SENP5: variants seen among roughly 807,000 people sequenced by gnomAD.
SENP5 encodes the protein SUMO specific peptidase 5, also known as sentrin-specific protease 5.
Under a neutral mutation model 74.2 loss-of-function variants are expected in SENP5, and 21 were observed. That is an observed-to-expected ratio of 0.28 (90% CI 0.20 to 0.41). The LOEUF (loss-of-function observed/expected upper bound fraction) is 0.41. Ranked by LOEUF, SENP5 falls within the 10% of genes least tolerant of loss-of-function variation. The pLI is 1.00. For missense variants in SENP5, 717 were observed against 889.1 expected (o/e 0.81, Z 2.46); for synonymous variants, 311 against 312.7 (o/e 0.99, Z 0.06).
intron 6 of SENP5, among the ~76,000 whole-genome samples, chr3:196,910,677 C>T (rs1384061434): frequency 6.6e-6 from 1 of 152,016 alleles, no homozygotes; most frequent in Non-Finnish European, 1.5e-5. Flanking sequence ...TAATGCTATT[C>T]CCATCAAACT....
At chr3:196,895,775 G>A (rs1322896418) in intron 2 of SENP5, among the ~76,000 whole-genome samples, 1 of 152,138 alleles carries the variant, frequency 6.6e-6, no homozygotes, top group Non-Finnish European at 1.5e-5. Flanking sequence ...TTCTGTCTCA[G>A]CCTCCCAAAG....
intron 7 of SENP5, among the ~76,000 whole-genome samples, chr3:196,924,919 T>A (rs1051191230): frequency 3.3e-5 from 5 of 152,180 alleles, no homozygotes; most frequent in African/African-American, 1.2e-4. Flanking sequence ...AGTAGTTAAA[T>A]TGAATATAGT....
At chr3:196,876,030 G>A (rs1466795382) in intron 1 of SENP5, among the ~76,000 whole-genome samples, 1 of 152,110 alleles carries the variant, frequency 6.6e-6, no homozygotes, top group Non-Finnish European at 1.5e-5. Flanking sequence ...GCCAATATTG[G>A]CAGTATACCA....
rs76298737 is a variant in SENP5 at position 196,931,222 on chromosome 3, A to G, written c.*299A>G. The stretch of plus-strand genomic sequence containing the variant: ...TGCAGTGAAGAGTATTAAAAAAAAA[A>G]GCTTAGTAGATTTGGTGCAGCTTTT... On this transcript the variant is annotated 3_prime_UTR_variant, in exon 10 of 10. Coordinates refer to ENST00000323460, the MANE Select transcript of SENP5 (RefSeq NM_152699.5). The G allele has an allele frequency of 1.3e-5, 3 of 225,454 alleles. No homozygotes were observed. The South Asian group carries it at 3.1e-4, about 23-fold the overall frequency. 14.0% of individuals were successfully genotyped at this position (225,454 alleles called of 1,614,324 possible). A position where few individuals can be genotyped will look rare whatever the true frequency, so the allele number is the denominator to read the frequency against.
At chr3:196,900,741 A>G (rs974341549) in intron 5 of SENP5, among the ~76,000 whole-genome samples, 3 of 151,966 alleles carry the variant, frequency 2.0e-5, no homozygotes, top group Admixed American at 6.6e-5. Context: ...ATGTGCCACC[A>G]TGCCTGGCTA....
chr3:196,910,535 A>T (rs4916582), intron 6 of SENP5, among the ~76,000 whole-genome samples: 99,474 of 150,622 alleles, frequency 0.66, 33,894 homozygotes, highest in Non-Finnish European at 0.75. Context: ...TTTAGTAGAC[A>T]CAGGGTTTCG....
intron 6 of SENP5, among the ~76,000 whole-genome samples, chr3:196,917,708 C>A (rs540449381): frequency 6.6e-6 from 1 of 152,016 alleles, no homozygotes; most frequent in African/African-American, 2.4e-5. Context: ...TCATACCCAG[C>A]GAAAATATAC....
intron 6 of SENP5, chr3:196,912,779 TG>T (rs1252648035): frequency 6.6e-6 from 1 of 151,742 alleles, no homozygotes; most frequent in East Asian, 1.9e-4. Flanking sequence ...GAGGCTGAGG[TG>T]GGAGGATTGC....
chr3:196,916,988 G>C (rs1028081635), intron 6 of SENP5, among the ~76,000 whole-genome samples: 2 of 151,890 alleles, frequency 1.3e-5, no homozygotes, highest in African/African-American at 4.8e-5. Flanking sequence ...ACAAAAATTA[G>C]CCGGGCGTGG....
At chr3:196,880,365 A>G (rs1713670135) in intron 1 of SENP5, among the ~76,000 whole-genome samples, 2 of 152,200 alleles carry the variant, frequency 1.3e-5, no homozygotes, top group Non-Finnish European at 2.9e-5. Context: ...ACAGGTGTGC[A>G]CCACTGTACC....
intron 1 of SENP5, among the ~76,000 whole-genome samples, chr3:196,880,723 C>A (rs1713689284): frequency 1.3e-5 from 2 of 148,804 alleles, no homozygotes. Context: ...CTCACTGTCA[C>A]CTGCGCCTCC....
In SENP5 at chr3:196,910,029, G is replaced by A. The variant is rs147272772; in HGVS notation, c.1884+6419G>A. Among the ~76,000 whole-genome samples the A allele has an allele frequency of 2.0e-3, 303 of 152,222 alleles. 1 individual carries two copies. The highest frequency in any genetic ancestry group is 5.1e-3 in the African/African-American group (213 of 41,550). On this transcript the variant is annotated intron_variant, in intron 6 of 9. Transcript: ENST00000323460. ...TCGTCTCAGCCCCAAAACCCCTTAC[G>A]TTGATAAGAAACTTTAGCAAAGTCT...
At chr3:196,874,546 C>G (rs1713368548) in intron 1 of SENP5, among the ~76,000 whole-genome samples, 1 of 152,050 alleles carries the variant, frequency 6.6e-6, no homozygotes, top group African/African-American at 2.4e-5. Context: ...CCTTATCTCC[C>G]TGGTCATTTT....
chr3:196,870,669 C>T (rs1216788836), intron 1 of SENP5, among the ~76,000 whole-genome samples: 2 of 151,946 alleles, frequency 1.3e-5, no homozygotes, highest in African/African-American at 2.4e-5. Flanking sequence ...AAGCGCCCAC[C>T]ACCACGCCCG....
At chr3:196,923,276 T>A in intron 6 of SENP5, 138 bp from the exon 7 acceptor site, 1 of 764,682 alleles carries the variant, frequency 1.3e-6, no homozygotes, top group Non-Finnish European at 2.1e-6. Flanking sequence ...GAGTAAGACC[T>A]GGGTTCAAAT....
chr3:196,898,436 A>T (rs1217495898), intron 2 of SENP5, among the ~76,000 whole-genome samples: 1 of 151,670 alleles, frequency 6.6e-6, no homozygotes, highest in African/African-American at 2.4e-5. Flanking sequence ...ATCTTAAAAA[A>T]AAAAAATTAA....
intron 2 of SENP5, 67 bp downstream of exon 2, chr3:196,886,761 A>T (rs562441675): frequency 7.6e-7 from 1 of 1,311,054 alleles, no homozygotes; most frequent in South Asian, 1.6e-5. Flanking sequence ...ATCCTTGCTA[A>T]TAAGAGTCCT....
intron 1 of SENP5, among the ~76,000 whole-genome samples, chr3:196,870,672 C>T (rs1487073025): frequency 1.3e-5 from 2 of 151,876 alleles, no homozygotes; most frequent in African/African-American, 4.8e-5. Context: ...CGCCCACCAC[C>T]ACGCCCGGCT....
intron 6 of SENP5, among the ~76,000 whole-genome samples, chr3:196,913,704 C>T (rs1715236209): frequency 1.6e-5 from 2 of 121,508 alleles, no homozygotes; most frequent in South Asian, 5.8e-4. Flanking sequence ...GGCTGGAGTG[C>T]AGTGGCACAA....
Sources: gnomAD v4.1 joint callset for allele counts (sites outside exome capture counted in the v4.1 genomes callset) on GRCh38, gnomAD v4.1.1 for gene constraint, MANE v1.5 for transcripts, NCBI Gene and HGNC (gene_info 2026-07-23, HGNC 2026-07-21) for gene names.